Variants in HIPK2 observed in about 807,000 individuals in gnomAD.
The protein encoded by HIPK2 is homeodomain-interacting protein kinase 2.
In HIPK2, 27 loss-of-function variants were observed where a neutral mutation model predicts 113.7. That is an observed-to-expected ratio of 0.24 (90% CI 0.17 to 0.33). The LOEUF (loss-of-function observed/expected upper bound fraction) is 0.33. HIPK2 is among the 10% of genes least tolerant of loss of function. The pLI, the probability that HIPK2 is intolerant of heterozygous loss-of-function variation, is 1.00. For synonymous variants in HIPK2, 631 were observed against 642.2 expected (o/e 0.98, Z 0.26); for missense variants, 1,257 against 1,588.0 (o/e 0.79, Z 3.54).
intron 1 of HIPK2, among the ~76,000 whole-genome samples, chr7:139,736,816 G>A (rs1191581651): frequency 6.6e-6 from 1 of 152,174 alleles, no homozygotes; most frequent in African/African-American, 2.4e-5. Flanking sequence ...AACAGAGAAT[G>A]TCCGAATGTA....
At chr7:139,656,702 T>C (rs1242614249) in intron 2 of HIPK2, among the ~76,000 whole-genome samples, 1 of 152,216 alleles carries the variant, frequency 6.6e-6, no homozygotes, top group Admixed American at 6.5e-5. Flanking sequence ...TGTTTTTCTG[T>C]GTTCAGTTCA....
chr7:139,716,120 G>C lies in HIPK2; in HGVS notation c.915C>G (p.Leu305=). Residue 305 remains leucine, a synonymous_variant, in exon 2 of 15, where the codon CTC becomes CTG. Coordinates refer to ENST00000406875, the MANE Select transcript of HIPK2 (RefSeq NM_022740.5). This position sits in a 1 kb window ranked among gnomAD's most constrained non-coding sequence, Gnocchi z 9.3. ...PLPLKYIRPV[L]QQVATALMKL... ...TCATCAGGGCTGTGGCTACCTGCTG[G>C]AGAACTGGGCGAATGTATTTGAGGG... 1 of 1,614,096 alleles carries C rather than the reference G, an allele frequency of 6.2e-7. No homozygotes were observed. Among genetic ancestry groups the C allele is most frequent in the South Asian group, 1.1e-5 (1 of 91,084 alleles).
chr7:139,679,089 C>A (rs1402522280), intron 2 of HIPK2, among the ~76,000 whole-genome samples: 1 of 152,206 alleles, frequency 6.6e-6, no homozygotes, highest in African/African-American at 2.4e-5. Flanking sequence ...TTTAAACACA[C>A]AATCATGTCA....
chr7:139,592,781 T>A (rs1799071941), intron 12 of HIPK2, among the ~76,000 whole-genome samples: 1 of 152,236 alleles, frequency 6.6e-6, no homozygotes. Context: ...TATAAATATT[T>A]AAAAGAAGAC....
At chr7:139,599,688 A>T (rs1315771981) in intron 11 of HIPK2, among the ~76,000 whole-genome samples, 1 of 152,242 alleles carries the variant, frequency 6.6e-6, no homozygotes, top group Non-Finnish European at 1.5e-5. Context: ...TATTTTTTAA[A>T]ACATTTTTAA....
At position 139,572,645 on chromosome 7, in the gene HIPK2, C is replaced by A. The variant is rs1798319917; in HGVS notation, c.*282G>T. On this transcript the variant is annotated 3_prime_UTR_variant, in exon 15 of 15. Coordinates refer to ENST00000406875, the MANE Select transcript of HIPK2 (RefSeq NM_022740.5). ...TCCTTTTTCTTTTTTAAAATAAAAA[C>A]CATAGATTTCCCACCCTCTTTAATC... 1 of 314,994 alleles carries A rather than the reference C, an allele frequency of 3.2e-6. No individual in the cohort carries two copies. 19.5% of individuals were successfully genotyped at this position (314,994 alleles called of 1,614,324 possible).
chr7:139,587,143 C>T (rs1253462513), intron 12 of HIPK2, among the ~76,000 whole-genome samples: 1 of 152,134 alleles, frequency 6.6e-6, no homozygotes, highest in Non-Finnish European at 1.5e-5. Context: ...CTGAATTGTA[C>T]ACATTCAACG....
chr7:139,749,879 GT>G (rs1425657946), intron 1 of HIPK2, among the ~76,000 whole-genome samples: 1 of 152,166 alleles, frequency 6.6e-6, no homozygotes, highest in African/African-American at 2.4e-5. Context: ...ATCAAAAGTG[GT>G]TTAGAGGAAA....
intron 13 of HIPK2, among the ~76,000 whole-genome samples, chr7:139,581,007 C>T (rs1348536786): frequency 1.3e-5 from 2 of 152,102 alleles, no homozygotes; most frequent in Admixed American, 6.5e-5. Context: ...ATTGCCTGAA[C>T]TCAGGAGTTC....
intron 2 of HIPK2, among the ~76,000 whole-genome samples, chr7:139,670,631 T>C (rs957558850): frequency 5.3e-5 from 8 of 151,584 alleles, no homozygotes; most frequent in African/African-American, 1.7e-4. Flanking sequence ...AAAAATGGTG[T>C]AATTATTTGA....
intron 9 of HIPK2, among the ~76,000 whole-genome samples, chr7:139,607,288 A>G (rs1166263479): frequency 6.6e-6 from 1 of 152,106 alleles, no homozygotes; most frequent in Non-Finnish European, 1.5e-5. Context: ...CAAAGGAGAA[A>G]CAGAGAAAAT....
At chr7:139,663,940 C>T (rs1310305590) in intron 2 of HIPK2, among the ~76,000 whole-genome samples, 1 of 152,208 alleles carries the variant, frequency 6.6e-6, no homozygotes, top group Non-Finnish European at 1.5e-5. Context: ...TTCTGCCAAG[C>T]CAGTGTCCAC....
intron 2 of HIPK2, among the ~76,000 whole-genome samples, chr7:139,715,629 C>T (rs1312319528): frequency 6.6e-6 from 1 of 152,212 alleles, no homozygotes; most frequent in Non-Finnish European, 1.5e-5. Flanking sequence ...CCTCTCTCTC[C>T]ACCACCTGTC....
intron 1 of HIPK2, among the ~76,000 whole-genome samples, chr7:139,727,346 G>A (rs567729068): frequency 7.2e-4 from 109 of 152,304 alleles, no homozygotes; most frequent in African/African-American, 2.5e-3. Context: ...TTCCCACAGG[G>A]TCAGGAGCAG....
chr7:139,664,099 A>T lies in HIPK2; in HGVS notation c.1104-32374T>A. Among the ~76,000 whole-genome samples, 3 of 152,330 alleles carry T rather than the reference A, an allele frequency of 2.0e-5. No individual in the cohort carries two copies. The South Asian group carries it at 6.2e-4, about 32-fold the overall frequency. On this transcript the variant is annotated intron_variant, in intron 2 of 14. Coordinates refer to ENST00000406875, the MANE Select transcript of HIPK2 (RefSeq NM_022740.5). ...GCTTCAGCGTCCTCCCCTCATGCCC[A>T]ATCTGATCCAGGTTTCTCCTGAAGT...
At position 139,564,812 on chromosome 7, in the gene HIPK2, C is replaced by T. The variant is rs889833195; in HGVS notation, c.*8115G>A. ...CGTAGCCAGAAATATGCTTAAGTATCCACAGTCAATTGTTTAGTTTACTCA... is the reference window on the plus strand; with the variant it reads ...CGTAGCCAGAAATATGCTTAAGTATTCACAGTCAATTGTTTAGTTTACTCA... On this transcript the variant is annotated 3_prime_UTR_variant, in exon 15 of 15. Coordinates refer to ENST00000406875, the MANE Select transcript of HIPK2 (RefSeq NM_022740.5). 2 of 152,174 alleles carry T rather than the reference C, an allele frequency of 1.3e-5. No homozygotes were observed. The highest frequency in any genetic ancestry group is 2.4e-5 in the African/African-American group (1 of 41,420). 9.4% of individuals were successfully genotyped at this position (152,174 alleles called of 1,614,324 possible). A position where few individuals can be genotyped will look rare whatever the true frequency, so the allele number is the denominator to read the frequency against.
intron 12 of HIPK2, among the ~76,000 whole-genome samples, chr7:139,587,016 C>T (rs773442882): frequency 6.6e-6 from 1 of 151,978 alleles, no homozygotes; most frequent in Non-Finnish European, 1.5e-5. Flanking sequence ...AAATAGATAA[C>T]GGTGATGGCT....
rs369022855 is a variant in HIPK2 at position 139,626,662 on chromosome 7, C to T, written c.1558G>A (p.Glu520Lys). 12 of 1,613,798 alleles carry T rather than the reference C, an allele frequency of 7.4e-6. No individual in the cohort carries two copies. The South Asian group carries it at 8.8e-5, about 12-fold the overall frequency. The change falls in exon 6 of 15, where the codon GAA becomes AAA. Residue 520 changes from glutamate to lysine, a missense_variant. Transcript: ENST00000406875. ...GTGACAAAGGGATGGTTCAGGGTTT[C>T]GATTGGAGTGATTCTCTTGTCAGCA... Reference protein sequence around the residue: ...IDADKRITPIETLNHPFVTMT... With the variant: ...IDADKRITPIKTLNHPFVTMT...
chr7:139,669,993 G>A (rs1039689752), intron 2 of HIPK2, among the ~76,000 whole-genome samples: 3 of 152,194 alleles, frequency 2.0e-5, no homozygotes, highest in South Asian at 2.1e-4. Flanking sequence ...AAATCAAAAC[G>A]GCACACAATT....
Sources: gnomAD v4.1 joint callset for allele counts (sites outside exome capture counted in the v4.1 genomes callset) on GRCh38, gnomAD v4.1.1 for gene constraint, Gnocchi (gnomAD v3.1) non-coding constraint, MANE v1.5 for transcripts, NCBI Gene and HGNC (gene_info 2026-07-23, HGNC 2026-07-21) for gene names.